PRKAR1A: variants seen among roughly 807,000 people sequenced by gnomAD.
The protein encoded by PRKAR1A is cAMP-dependent protein kinase type I-alpha regulatory subunit.
PRKAR1A carries 3 observed loss-of-function variants against 52.0 expected under a neutral mutation model. The ratio of observed to expected loss-of-function variants is 0.06; its 90% CI spans 0.03 to 0.15. The LOEUF (loss-of-function observed/expected upper bound fraction) is 0.15, where lower values mean the gene tolerates loss of function less well. PRKAR1A is among the 10% of genes least tolerant of loss of function. The pLI is 1.00. For missense variants in PRKAR1A, 240 were observed against 477.4 expected, an observed-to-expected ratio of 0.50 and a Z score of 4.63; for synonymous variants, 188 against 168.4, an observed-to-expected ratio of 1.12 and a Z score of -0.90.
At chr17:68,494,279 C>T in the PRKAR1A span, among the ~76,000 whole-genome samples, 1 of 152,190 alleles carries the variant, frequency 6.6e-6, no homozygotes, top group East Asian at 1.9e-4. Flanking sequence ...GTGGCTCATG[C>T]CTGTAATCCC....
the PRKAR1A span, among the ~76,000 whole-genome samples, chr17:68,486,506 C>CCTCTTTCT: frequency 6.2e-5 from 3 of 48,258 alleles, no homozygotes; most frequent in African/African-American, 2.4e-4. Flanking sequence ...TCCTTCCTTC[C>CCTCTTTCT]TTCTTTCTTT....
chr17:68,536,527 C>T (rs553288228), downstream of PRKAR1A: 24 of 454,018 alleles, frequency 5.3e-5, 1 homozygote, highest in South Asian at 2.5e-4. Context: ...TTGAGCCAGC[C>T]GTCACAGGGA....
intron 11 of PRKAR1A, among the ~76,000 whole-genome samples, chr17:68,545,765 G>C (rs921116200): frequency 6.6e-6 from 1 of 152,200 alleles, no homozygotes; most frequent in Non-Finnish European, 1.5e-5. Flanking sequence ...TATCAACTAA[G>C]TTTGCATAAT....
chr17:68,497,838 A>G, the PRKAR1A span, among the ~76,000 whole-genome samples: 3 of 152,240 alleles, frequency 2.0e-5, no homozygotes, highest in African/African-American at 7.2e-5. Context: ...GACAAGACAC[A>G]TAGACATTGA....
chr17:68,428,766 C>G, the PRKAR1A span: 6 of 1,321,058 alleles, frequency 4.5e-6, no homozygotes, highest in Non-Finnish European at 5.4e-6. Context: ...TCGTTCTTGG[C>G]GAAGGGACAA....
At chr17:68,495,961 TCTCTC>T in the PRKAR1A span, among the ~76,000 whole-genome samples, 35 of 80,448 alleles carry the variant, frequency 4.4e-4, 2 homozygotes, top group Admixed American at 4.1e-3. Context: ...TTTCCTCTCC[TCTCTC>T]CTCTCCTCTC....
chr17:68,455,192 T>C, the PRKAR1A span, among the ~76,000 whole-genome samples: 1 of 151,870 alleles, frequency 6.6e-6, no homozygotes, highest in African/African-American at 2.4e-5. Context: ...CAAAACCCCG[T>C]CTCTACTAAA....
the PRKAR1A span, chr17:68,457,595 C>CCA: frequency 5.1e-6 from 2 of 389,628 alleles, no homozygotes; most frequent in Admixed American, 5.2e-5. Flanking sequence ...CGCCCCGTCC[C>CCA]CGCCGCGTCC....
At chr17:68,515,158 C>G (rs72847785) in intron 1 of PRKAR1A, 1 of 525,780 alleles carries the variant, frequency 1.9e-6, no homozygotes, top group Non-Finnish European at 3.4e-6. Flanking sequence ...CTGAGGTTAT[C>G]GACTCTCACT....
In PRKAR1A at chr17:68,530,523, C is replaced by T. The variant is rs964149125; in HGVS notation, c.*74C>T. On this transcript the variant is annotated 3_prime_UTR_variant, in exon 11 of 11. Transcript: ENST00000589228. ...ACTCATGCAAACTGCTTTATTTTCC[C>T]TACTTGCAGCGCCAAGTGGCCACTG... 1.2e-6 allele frequency: 2 copies of T among 1,612,090 alleles called. No individual in the cohort carries two copies. The highest frequency in any genetic ancestry group is 2.7e-5 in the African/African-American group (2 of 74,902).
At chr17:68,457,449 T>C in the PRKAR1A span, 13 of 1,474,202 alleles carry the variant, frequency 8.8e-6, no homozygotes, top group Non-Finnish European at 1.1e-5. Flanking sequence ...AAGCCGCAGC[T>C]CGGAGCCGGC....
chr17:68,499,829 C>T, the PRKAR1A span, among the ~76,000 whole-genome samples: 2 of 152,200 alleles, frequency 1.3e-5, no homozygotes, highest in Non-Finnish European at 2.9e-5. Flanking sequence ...GGTGAATCAG[C>T]GTTGGTCAAA....
chr17:68,444,260 A>G, the PRKAR1A span, among the ~76,000 whole-genome samples: 18 of 152,244 alleles, frequency 1.2e-4, no homozygotes, highest in African/African-American at 4.1e-4. Flanking sequence ...GGTCCCAGAC[A>G]AAGGGTGTTG....
chr17:68,415,039 C>T, the PRKAR1A span, among the ~76,000 whole-genome samples: 1 of 151,984 alleles, frequency 6.6e-6, no homozygotes, highest in Non-Finnish European at 1.5e-5. Flanking sequence ...TAGTTCTGCT[C>T]TGATCTTGGT....
chr17:68,521,930 C>G (rs16973011), intron 2 of PRKAR1A, among the ~76,000 whole-genome samples: 19,726 of 152,122 alleles, frequency 0.13, 1,329 homozygotes, highest in African/African-American at 0.15. Flanking sequence ...GTTTTTAAGG[C>G]TCTAGATGTG....
chr17:68,528,801 A>G, intron 8 of PRKAR1A, 69 bp from the exon 9 acceptor site: 1 of 1,587,296 alleles, frequency 6.3e-7, no homozygotes, highest in Non-Finnish European at 8.6e-7. Context: ...GAATCTCTTT[A>G]TACTTTCTTT....
intron 11 of PRKAR1A, chr17:68,539,816 CGAGCAGCTGGCTGCACA>C (rs2143460800): frequency 6.7e-7 from 1 of 1,498,508 alleles, no homozygotes; most frequent in East Asian, 2.3e-5. Context: ...CTGTTTCCCC[CGAGCAGCTGGCTGCACA>C]GAGCAGCACA....
At chr17:68,434,806 T>C in the PRKAR1A span, among the ~76,000 whole-genome samples, 1 of 152,346 alleles carries the variant, frequency 6.6e-6, no homozygotes, top group South Asian at 2.1e-4. Flanking sequence ...GAAAATGTTA[T>C]AAACACCCTC....
chr17:68,434,702 G>C, the PRKAR1A span: 1 of 1,471,324 alleles, frequency 6.8e-7, no homozygotes, highest in Non-Finnish European at 9.3e-7. Flanking sequence ...AGAGGAGTTT[G>C]TTTTATTGGT....
Sources: allele counts gnomAD v4.1 joint callset (sites outside exome capture counted in the v4.1 genomes callset), GRCh38; gene constraint gnomAD v4.1.1; transcripts MANE v1.5; gene names NCBI Gene and HGNC (gene_info 2026-07-23, HGNC 2026-07-21).